The following GDAP1L1 variants were observed in gnomAD, a reference collection of about 807,000 sequenced individuals.
The protein encoded by GDAP1L1 is ganglioside-induced differentiation-associated protein 1-like 1.
Under a neutral mutation model 37.1 loss-of-function variants are expected in GDAP1L1, and 21 were observed. The ratio of observed to expected loss-of-function variants is 0.57; its 90% CI spans 0.40 to 0.81. The LOEUF (loss-of-function observed/expected upper bound fraction) is 0.81. Among genes scored for constraint, GDAP1L1 ranks in the 40% least tolerant of loss-of-function variants. GDAP1L1 has a pLI of 0.00. For missense variants in GDAP1L1, 362 were observed against 491.6 expected (o/e 0.74, Z 2.49); for synonymous variants, 193 against 209.1 (o/e 0.92, Z 0.67).
At chr20:44,263,610 A>C (rs4810416) in intron 4 of GDAP1L1, among the ~76,000 whole-genome samples, 279 of 152,080 alleles carry the variant, frequency 1.8e-3, no homozygotes, top group African/African-American at 6.1e-3. Context: ...TTGGGAGGCC[A>C]AGGCAAGTGG....
rs143931376 is a variant in GDAP1L1, at chr20:44,275,928, T to C, written c.761-3029T>C. 3.5e-3 allele frequency among the ~76,000 whole-genome samples: 533 copies of C among 152,320 alleles called. 2 individuals are homozygous for C. The highest frequency in any genetic ancestry group is 0.012 in the African/African-American group (503 of 41,568). Reference sequence around the variant, plus strand: ...TGATAAATAATGTAAAACCACGTTGTGTGAGTTATCCTCTTTTGATTACAT... The same window carrying C: ...TGATAAATAATGTAAAACCACGTTGCGTGAGTTATCCTCTTTTGATTACAT... On this transcript the variant is annotated intron_variant, in intron 5 of 5. Transcript: ENST00000342560.
intron 5 of GDAP1L1, among the ~76,000 whole-genome samples, chr20:44,266,960 AC>A (rs2073770513): frequency 6.6e-6 from 1 of 152,172 alleles, no homozygotes; most frequent in African/African-American, 2.4e-5. Flanking sequence ...AGCTTAAAAA[AC>A]ATCGCAAAAA....
At chr20:44,267,328 GGTT>G (rs2062463892) in intron 5 of GDAP1L1, among the ~76,000 whole-genome samples, 1 of 152,184 alleles carries the variant, frequency 6.6e-6, no homozygotes, top group Non-Finnish European at 1.5e-5. Flanking sequence ...AAGGGTGATA[GGTT>G]GGGCACAGTG....
chr20:44,251,565 A>C (rs1293318533), intron 1 of GDAP1L1, among the ~76,000 whole-genome samples: 1 of 152,182 alleles, frequency 6.6e-6, no homozygotes, highest in East Asian at 1.9e-4. Flanking sequence ...TCCATGCTGC[A>C]CTTGACCGTG....
At chr20:44,255,884 C>T (rs2073531494) in intron 1 of GDAP1L1, among the ~76,000 whole-genome samples, 1 of 152,214 alleles carries the variant, frequency 6.6e-6, no homozygotes. Context: ...TCTCAGTCCA[C>T]AGGCAGGGGG....
chr20:44,263,376 C>A (rs189949124), intron 4 of GDAP1L1, 49 bp downstream of exon 4: 2 of 1,196,010 alleles, frequency 1.7e-6, no homozygotes, highest in Non-Finnish European at 2.5e-6. Flanking sequence ...AGCTCTTCCA[C>A]GGAAATGAAC....
In GDAP1L1 at chr20:44,264,332, G is replaced by C. The variant is rs962137705; in HGVS notation, c.646-113G>C. ...CGGGGGGGCATCCTATACACTTGGG[G>C]GGCATTTGGAGGCTGGGTTTGCAGA... On this transcript the variant is annotated intron_variant, in intron 4 of 5. Coordinates refer to ENST00000342560, the MANE Select transcript of GDAP1L1 (RefSeq NM_024034.6). 1.1e-5 allele frequency: 14 copies of C among 1,296,816 alleles called. No individual in the cohort carries two copies. The African/African-American group carries it at 1.8e-4, about 17-fold the overall frequency. 80.3% of individuals were successfully genotyped at this position (1,296,816 alleles called of 1,614,324 possible).
Position 44,265,314 on chromosome 20 carries a change from C to T in GDAP1L1, c.760+755C>T, listed in dbSNP as rs2073744803. 1.4e-5 allele frequency: 14 copies of T among 985,396 alleles called. No individual in the cohort carries two copies. The South Asian group carries it at 4.2e-4, about 30-fold the overall frequency. The allele number at this position is 985,396 out of a possible 1,614,324, so 61.0% of individuals were successfully genotyped here. The stretch of plus-strand genomic sequence containing the variant: ...CCTGGAGCACCCTTCCTACACCACT[C>T]CACTCCATTTTGCCTGTTGCACACC... On this transcript the variant is annotated intron_variant, in intron 5 of 5. Coordinates refer to ENST00000342560, the MANE Select transcript of GDAP1L1 (RefSeq NM_024034.6).
chr20:44,247,256 G>A (rs1450256300), upstream of GDAP1L1: 4 of 1,439,014 alleles, frequency 2.8e-6, no homozygotes, highest in Non-Finnish European at 3.9e-6. Context: ...GGCAGGCTCG[G>A]CGAGGCCATG....
intron 5 of GDAP1L1, 26 bp from the exon 6 acceptor site, chr20:44,278,931 C>T: frequency 6.7e-7 from 1 of 1,498,654 alleles, no homozygotes; most frequent in Non-Finnish European, 9.2e-7. Flanking sequence ...GGCTGATCCC[C>T]TTGCCTCCTC....
chr20:44,250,506 G>A (rs1025797501), intron 1 of GDAP1L1, among the ~76,000 whole-genome samples: 2 of 152,196 alleles, frequency 1.3e-5, no homozygotes, highest in African/African-American at 4.8e-5. Context: ...AGCCAGACAT[G>A]CGGTCAAACC....
At chr20:44,252,822 C>CAAAA (rs3091993) in intron 1 of GDAP1L1, among the ~76,000 whole-genome samples, 1 of 123,088 alleles carries the variant, frequency 8.1e-6, no homozygotes, top group Non-Finnish European at 1.8e-5. Flanking sequence ...GACCCTGTCT[C>CAAAA]AAAAAAAAAA....
chr20:44,253,622 A>T (rs1245998220), intron 1 of GDAP1L1, among the ~76,000 whole-genome samples: 1 of 152,208 alleles, frequency 6.6e-6, no homozygotes, highest in Non-Finnish European at 1.5e-5. Flanking sequence ...GAGATGGTTG[A>T]TGTCTGATCA....
At chr20:44,261,560 T>C (rs73906998) in intron 3 of GDAP1L1, among the ~76,000 whole-genome samples, 2 of 152,268 alleles carry the variant, frequency 1.3e-5, no homozygotes, top group Non-Finnish European at 1.5e-5. Context: ...GAATCTGACA[T>C]AGCCACTGCT....
At chr20:44,277,773 C>G (rs985494288) in intron 5 of GDAP1L1, among the ~76,000 whole-genome samples, 2 of 152,144 alleles carry the variant, frequency 1.3e-5, no homozygotes, top group Non-Finnish European at 2.9e-5. Flanking sequence ...CAAGTAGAGG[C>G]AGTATCAGAT....
At position 44,258,493 on chromosome 20, in the gene GDAP1L1, T is replaced by C; in HGVS notation, c.433T>C (p.Tyr145His). ...CCTGCAGCACGCACGGGTGCTGCAG[T>C]ACCGGGAGCTGCTGGACGCACTGCC... Reference protein sequence around the residue: ...GSLQHARVLQYRELLDALPMD... With the variant: ...GSLQHARVLQHRELLDALPMD... Residue 145 changes from tyrosine to histidine, a missense_variant, in exon 3 of 6, where the codon TAC (tyrosine) becomes CAC (histidine). Around this residue, in one of 2 missense-constraint regions of GDAP1L1, gnomAD observed 277 missense variants for 337.1 expected, o/e 0.82. Coordinates refer to ENST00000342560, the MANE Select transcript of GDAP1L1 (RefSeq NM_024034.6). The C allele has an allele frequency of 6.4e-7, 1 of 1,560,372 alleles. No individual in the cohort carries two copies. The highest frequency in any genetic ancestry group is 1.2e-5 in the South Asian group (1 of 84,730).
chr20:44,266,049 C>T (rs2146030406), intron 5 of GDAP1L1, among the ~76,000 whole-genome samples: 1 of 152,334 alleles, frequency 6.6e-6, no homozygotes, highest in East Asian at 1.9e-4. Flanking sequence ...TGGCTCACGC[C>T]TGTAATCCCA....
At chr20:44,260,083 G>C (rs2073644788) in intron 3 of GDAP1L1, among the ~76,000 whole-genome samples, 1 of 152,186 alleles carries the variant, frequency 6.6e-6, no homozygotes, top group African/African-American at 2.4e-5. Context: ...GCACCAAGAA[G>C]TATGAACAAA....
chr20:44,247,592 A>G, intron 1 of GDAP1L1, 78 bp downstream of exon 1: 1 of 1,326,262 alleles, frequency 7.5e-7, no homozygotes, highest in Admixed American at 3.0e-5. Context: ...GAGGGATCTG[A>G]GGGCGGCGAA....
Sources: allele counts gnomAD v4.1 joint callset (sites outside exome capture counted in the v4.1 genomes callset), GRCh38; gene constraint gnomAD v4.1.1; regional missense constraint gnomAD v4.1.1; transcripts MANE v1.5; gene names NCBI Gene and HGNC (gene_info 2026-07-23, HGNC 2026-07-21).